SAP30BP: variants seen among roughly 807,000 people sequenced by gnomAD.
SAP30BP encodes the protein SAP30 binding protein, also known as SAP30-binding protein.
Under a neutral mutation model 46.3 loss-of-function variants are expected in SAP30BP, and 31 were observed. That is an observed-to-expected ratio of 0.67 (90% CI 0.50 to 0.90). SAP30BP has a LOEUF of 0.90. Ranked by LOEUF, SAP30BP falls within the 40% of genes least tolerant of loss-of-function variation. SAP30BP has a pLI of 0.00. For missense variants in SAP30BP, 312 were observed against 391.0 expected, an observed-to-expected ratio of 0.80 and a Z score of 1.70; for synonymous variants, 169 against 144.2, an observed-to-expected ratio of 1.17 and a Z score of -1.23.
intron 4 of SAP30BP, among the ~76,000 whole-genome samples, chr17:75,698,063 A>G (rs886915460): frequency 3.9e-5 from 6 of 152,228 alleles, no homozygotes; most frequent in African/African-American, 9.6e-5. Flanking sequence ...GATCCTTTTC[A>G]TGAGAGAGTG....
At chr17:75,670,900 A>G (rs1022108106) in intron 2 of SAP30BP, among the ~76,000 whole-genome samples, 2 of 152,106 alleles carry the variant, frequency 1.3e-5, no homozygotes, top group Non-Finnish European at 2.9e-5. Flanking sequence ...TTCAAATGAA[A>G]CCATTTTTTC....
intron 3 of SAP30BP, among the ~76,000 whole-genome samples, chr17:75,680,577 G>A (rs1450949364): frequency 2.6e-5 from 4 of 152,180 alleles, no homozygotes; most frequent in Non-Finnish European, 2.9e-5. Flanking sequence ...GTACATGAAG[G>A]TGCTTTTCGC....
intron 3 of SAP30BP, among the ~76,000 whole-genome samples, chr17:75,673,897 C>T (rs2059943881): frequency 6.6e-6 from 1 of 152,206 alleles, no homozygotes; most frequent in Non-Finnish European, 1.5e-5. Flanking sequence ...TTCGCTGTTC[C>T]TCATTCACTC....
At chr17:75,702,444 C>A (rs1385469360) in intron 5 of SAP30BP, 36 bp from the exon 6 acceptor site, 1 of 973,830 alleles carries the variant, frequency 1.0e-6, no homozygotes, top group Non-Finnish European at 1.6e-6. Context: ...GGGCTTCTGT[C>A]ATACACCCCC....
intron 3 of SAP30BP, among the ~76,000 whole-genome samples, chr17:75,678,017 C>T (rs1178607549): frequency 1.3e-5 from 2 of 151,884 alleles, no homozygotes; most frequent in Non-Finnish European, 1.5e-5. Flanking sequence ...AGTTGTTAGC[C>T]TTATGGGGTC....
chr17:75,672,105 C>T lies in SAP30BP; in HGVS notation c.264+242C>T, dbSNP rs1290556165. The T allele has an allele frequency of 5.0e-5, 25 of 500,002 alleles. No individual in the cohort carries two copies. In the Admixed American group the frequency reaches 5.8e-4, roughly 12 times the overall value. The allele number at this position is 500,002 out of a possible 1,614,324, so 31.0% of individuals were successfully genotyped here. ...GTGCCATATCTCCTGACTAGAAAGG[C>T]GAGAGGCCTGGCTGAGGCCAACAAC... On this transcript the variant is annotated intron_variant, in intron 3 of 10. Transcript: ENST00000584667.
At chr17:75,673,487 G>T (rs2059937438) in intron 3 of SAP30BP, among the ~76,000 whole-genome samples, 1 of 152,118 alleles carries the variant, frequency 6.6e-6, no homozygotes, top group South Asian at 2.1e-4. Context: ...GAGCCGTTAA[G>T]TGTTTGGGTT....
chr17:75,684,845 A>C (rs192209967), intron 3 of SAP30BP: 1 of 152,314 alleles, frequency 6.6e-6, no homozygotes, highest in Non-Finnish European at 1.5e-5. Flanking sequence ...AAGGGAAGGA[A>C]ATCCAAGCCT....
chr17:75,703,150 T>C (rs189397149), intron 6 of SAP30BP, 161 bp from the exon 7 acceptor site: 22 of 640,356 alleles, frequency 3.4e-5, no homozygotes, highest in Admixed American at 3.4e-4. Context: ...AACAGGTCCA[T>C]CTCCCTGGGA....
In SAP30BP at chr17:75,707,173, G is replaced by A. The variant is rs543108092; in HGVS notation, c.*652G>A. On this transcript the variant is annotated 3_prime_UTR_variant, in exon 11 of 11. Coordinates refer to ENST00000584667, the MANE Select transcript of SAP30BP (RefSeq NM_013260.8). ...TGAGATCCTGACCTGTGCAGAGAGT[G>A]GGGAGGCGTCAGCGCCTGGCCAGGG... is the stretch of plus-strand genomic sequence containing the variant. 1 of 153,006 alleles carries A rather than the reference G, an allele frequency of 6.5e-6. No homozygotes were observed. Among genetic ancestry groups the A allele is most frequent in the Admixed American group, 6.5e-5 (1 of 15,358 alleles). The allele number at this position is 153,006 out of a possible 1,614,324, so 9.5% of individuals were successfully genotyped here.
At chr17:75,683,501 G>A (rs2060115617) in intron 3 of SAP30BP, 1 of 151,960 alleles carries the variant, frequency 6.6e-6, no homozygotes, top group South Asian at 2.1e-4. Context: ...ATTTTCTTCA[G>A]CTATATAAGT....
intron 3 of SAP30BP, among the ~76,000 whole-genome samples, chr17:75,690,003 C>T (rs746463569): frequency 6.6e-6 from 1 of 152,152 alleles, no homozygotes; most frequent in Non-Finnish European, 1.5e-5. Context: ...AATTACCTAC[C>T]GGGTACAGTG....
In SAP30BP at chr17:75,668,540, A is replaced by T; in HGVS notation, c.131A>T (p.Asp44Val). The change falls in exon 2 of 11, where the codon GAT becomes GTT. Residue 44 changes from aspartate to valine, a missense_variant. Around this residue, in one of 2 missense-constraint regions of SAP30BP, gnomAD observed 296 missense variants for 346.6 expected, o/e 0.85. Transcript: ENST00000584667. Reference protein sequence around the residue: ...AAEEKGGLVSDAYGEDDFSRL... With the variant: ...AAEEKGGLVSVAYGEDDFSRL... The stretch of plus-strand genomic sequence containing the variant: ...GAGGAGAAAGGCGGATTGGTATCTG[A>T]TGCCTATGGGGAGGATGACTTTTCT... The T allele has an allele frequency of 1.3e-6, 2 of 1,583,396 alleles. No individual in the cohort carries two copies. Among genetic ancestry groups the T allele is most frequent in the Non-Finnish European group, 1.7e-6 (2 of 1,168,460 alleles).
At chr17:75,687,026 A>C (rs924781907) in intron 3 of SAP30BP, among the ~76,000 whole-genome samples, 2 of 152,214 alleles carry the variant, frequency 1.3e-5, no homozygotes, top group Non-Finnish European at 2.9e-5. Flanking sequence ...ATGCCTCCAC[A>C]AGAGGGTTTC....
intron 2 of SAP30BP, 45 bp downstream of exon 2, chr17:75,668,670 ATT>A (rs2059851954): frequency 3.1e-6 from 4 of 1,307,076 alleles, no homozygotes; most frequent in Non-Finnish European, 4.4e-6. Flanking sequence ...GCACAATTTC[ATT>A]TGTCAGATTT....
intron 6 of SAP30BP, chr17:75,702,982 T>C (rs2060436828): frequency 2.6e-6 from 1 of 387,376 alleles, no homozygotes. Context: ...TGTCTGGTCT[T>C]CCTCCATTGA....
chr17:75,676,905 T>C (rs956653411), intron 3 of SAP30BP, among the ~76,000 whole-genome samples: 2 of 152,188 alleles, frequency 1.3e-5, no homozygotes, highest in African/African-American at 4.8e-5. Flanking sequence ...TCAAGGCATC[T>C]ACTGGGAATC....
At chr17:75,704,545 G>A (rs1341655133) in intron 8 of SAP30BP, among the ~76,000 whole-genome samples, 2 of 152,142 alleles carry the variant, frequency 1.3e-5, no homozygotes, top group Non-Finnish European at 2.9e-5. Flanking sequence ...TGACCCTTCC[G>A]GGCACACACA....
At chr17:75,668,139 C>T (rs1479274180) in intron 1 of SAP30BP, 4 of 184,460 alleles carry the variant, frequency 2.2e-5, no homozygotes, top group Non-Finnish European at 4.4e-5. Context: ...CCTTAGCTTC[C>T]TCATCTGGAA....
Sources: gnomAD v4.1 joint callset for allele counts (sites outside exome capture counted in the v4.1 genomes callset) on GRCh38, gnomAD v4.1.1 for gene constraint, gnomAD v4.1.1 regional missense constraint, MANE v1.5 for transcripts, NCBI Gene and HGNC (gene_info 2026-07-23, HGNC 2026-07-21) for gene names.